Variants in CDH7 observed in about 807,000 individuals in gnomAD.
CDH7 encodes the protein cadherin-7.
CDH7 carries 25 observed loss-of-function variants against 71.8 expected under a neutral mutation model. The observed-to-expected ratio is 0.35, with a 90% CI of 0.25 to 0.49. The LOEUF is 0.49. Among genes scored for constraint, CDH7 ranks in the 20% least tolerant of loss-of-function variants. CDH7 has a pLI of 0.99. For missense variants in CDH7, 862 were observed against 974.6 expected (o/e 0.88, Z 1.54); for synonymous variants, 381 against 363.8 (o/e 1.05, Z -0.54).
At chr18:65,810,087 A>G in intron 3 of CDH7, 89 bp downstream of exon 3, 1 of 1,148,874 alleles carries the variant, frequency 8.7e-7, no homozygotes, top group African/African-American at 1.6e-5. Flanking sequence ...TACTGAAAAA[A>G]AAAAAAACCT....
chr18:65,802,886 G>C (rs1911175859), intron 2 of CDH7, among the ~76,000 whole-genome samples: 1 of 152,086 alleles, frequency 6.6e-6, no homozygotes, highest in Non-Finnish European at 1.5e-5. Flanking sequence ...TGAAAAATCT[G>C]TGTCGGTGAA....
intron 7 of CDH7, among the ~76,000 whole-genome samples, chr18:65,856,574 C>T (rs535876320): frequency 3.7e-4 from 56 of 152,032 alleles, no homozygotes; most frequent in African/African-American, 1.3e-3. Context: ...GAATCCATGA[C>T]GCCTGGAGTA....
chr18:65,771,261 A>G (rs917476121), intron 2 of CDH7, among the ~76,000 whole-genome samples: 7 of 152,164 alleles, frequency 4.6e-5, no homozygotes, highest in Non-Finnish European at 8.8e-5. Flanking sequence ...TTCATAAGAA[A>G]TGAACGAATA....
chr18:65,827,185 GTTAGCAAC>G (rs1012616190), intron 6 of CDH7, among the ~76,000 whole-genome samples: 9 of 151,622 alleles, frequency 5.9e-5, no homozygotes, highest in Non-Finnish European at 1.2e-4. Flanking sequence ...AGTTGAGATT[GTTAGCAAC>G]TAAAATTAAA....
chr18:65,778,271 C>CAAAAAA (rs148841669), intron 2 of CDH7, among the ~76,000 whole-genome samples: 5 of 84,344 alleles, frequency 5.9e-5, no homozygotes, highest in East Asian at 4.1e-4. Flanking sequence ...GACTCTGTCT[C>CAAAAAA]AAAAAAAAAA....
chr18:65,762,055 A>T (rs1050268678), intron 1 of CDH7, among the ~76,000 whole-genome samples: 12 of 152,358 alleles, frequency 7.9e-5, no homozygotes, highest in African/African-American at 2.4e-4. Flanking sequence ...GAAAATGGAA[A>T]CTACTGAGCT....
chr18:65,794,021 A>G (rs149475436), intron 2 of CDH7, among the ~76,000 whole-genome samples: 25 of 152,290 alleles, frequency 1.6e-4, no homozygotes, highest in African/African-American at 4.8e-4. Context: ...GGGGGAATAT[A>G]GAAGAATAGA....
At chr18:65,752,929 T>A (rs975420574) in intron 1 of CDH7, among the ~76,000 whole-genome samples, 1 of 152,242 alleles carries the variant, frequency 6.6e-6, no homozygotes, top group Non-Finnish European at 1.5e-5. Context: ...GTCATTAGAA[T>A]TGTGTTAATC....
chr18:65,860,908 TAGTA>T (rs1913541565), intron 10 of CDH7, among the ~76,000 whole-genome samples: 1 of 152,168 alleles, frequency 6.6e-6, no homozygotes, highest in African/African-American at 2.4e-5. Context: ...TGTGTCCCTT[TAGTA>T]ATATAGAAGG....
intron 6 of CDH7, among the ~76,000 whole-genome samples, chr18:65,833,052 G>A (rs1259935287): frequency 6.6e-6 from 1 of 152,162 alleles, no homozygotes; most frequent in African/African-American, 2.4e-5. Flanking sequence ...GGCTTTTAAA[G>A]GCTAATTTTG....
Position 65,810,012 on chromosome 18 carries a change from A to T in CDH7, c.505+14A>T. The T allele has an allele frequency of 6.3e-7, 1 of 1,593,244 alleles. No homozygotes were observed. Among genetic ancestry groups the T allele is most frequent in the Non-Finnish European group, 8.6e-7 (1 of 1,163,978 alleles). ...TGTCTCCCGTGGGTAAGTAAAGAAC[A>T]CTCTGCTTTTGTAGCTTGTGGCCGA... On this transcript the variant is annotated intron_variant, in intron 3 of 11. Transcript: ENST00000397968.
intron 3 of CDH7, among the ~76,000 whole-genome samples, chr18:65,810,294 T>A (rs1911486853): frequency 6.6e-6 from 1 of 152,220 alleles, no homozygotes; most frequent in African/African-American, 2.4e-5. Flanking sequence ...TTTATATTTT[T>A]AAATGATTAC....
intron 1 of CDH7, among the ~76,000 whole-genome samples, chr18:65,757,801 T>TTA (rs1916075052): frequency 6.6e-6 from 1 of 151,512 alleles, no homozygotes. Context: ...ATTTTTTTTT[T>TTA]CTGCACTTTT....
At chr18:65,880,122 C>A (rs1914177237) in intron 11 of CDH7, among the ~76,000 whole-genome samples, 1 of 152,132 alleles carries the variant, frequency 6.6e-6, no homozygotes, top group Non-Finnish European at 1.5e-5. Flanking sequence ...CCTTCAATTT[C>A]TTCTATCAAA....
rs1182160890 is a variant in CDH7, at chr18:65,782,050, C to T, written c.210+18998C>T. On this transcript the variant is annotated intron_variant, in intron 2 of 11. Coordinates refer to ENST00000397968, the MANE Select transcript of CDH7 (RefSeq NM_004361.5). Reference sequence around the variant, plus strand: ...TCTCCCTTCCTTCCTTCCTTCCTTCCTTCCTTCCTTCCTTTCTTTCTTTCT... The same window carrying T: ...TCTCCCTTCCTTCCTTCCTTCCTTCTTTCCTTCCTTCCTTTCTTTCTTTCT... Among the ~76,000 whole-genome samples, 6 of 65,446 alleles carry T rather than the reference C, an allele frequency of 9.2e-5. 1 individual carries two copies. The highest frequency in any genetic ancestry group is 8.0e-4 in the African/African-American group (6 of 7,490). The allele number at this position is 65,446 out of a possible 152,430, so 42.9% of individuals were successfully genotyped here.
At chr18:65,818,886 T>C (rs1434869380) in intron 4 of CDH7, among the ~76,000 whole-genome samples, 1 of 152,202 alleles carries the variant, frequency 6.6e-6, no homozygotes, top group East Asian at 1.9e-4. Context: ...CAGTGCTCTC[T>C]TCATTGGCTG....
At position 65,765,347 on chromosome 18, in the gene CDH7, A is replaced by T. The variant is rs1245351913; in HGVS notation, c.210+2295A>T. 2.6e-5 allele frequency among the ~76,000 whole-genome samples: 4 copies of T among 152,104 alleles called. No individual in the cohort carries two copies. The East Asian group carries it at 7.7e-4, about 29-fold the overall frequency. On this transcript the variant is annotated intron_variant, in intron 2 of 11. Transcript: ENST00000397968. The stretch of plus-strand genomic sequence containing the variant: ...ATAGATTTTATATTTGAGATGATGA[A>T]ATGATTCTTTTTATTAATAATTTGG...
chr18:65,758,377 A>G (rs1916092591), intron 1 of CDH7, among the ~76,000 whole-genome samples: 1 of 152,202 alleles, frequency 6.6e-6, no homozygotes, highest in African/African-American at 2.4e-5. Flanking sequence ...TGATAAGGAA[A>G]GGTGGCACCT....
chr18:65,781,886 C>CTTTCTATCTT, intron 2 of CDH7, among the ~76,000 whole-genome samples: 1 of 105,334 alleles, frequency 9.5e-6, no homozygotes, highest in African/African-American at 4.5e-5. Context: ...CTCTGTCTCT[C>CTTTCTATCTT]TCTCTCTTTC....
Sources: gnomAD v4.1 joint callset for allele counts (sites outside exome capture counted in the v4.1 genomes callset) on GRCh38, gnomAD v4.1.1 for gene constraint, MANE v1.5 for transcripts, NCBI Gene and HGNC (gene_info 2026-07-23, HGNC 2026-07-21) for gene names.